The following CNTNAP2 variants were observed in gnomAD, a reference collection of about 807,000 sequenced individuals.
CNTNAP2 encodes the protein contactin-associated protein-like 2.
Under a neutral mutation model 155.2 loss-of-function variants are expected in CNTNAP2, and 98 were observed. The ratio of observed to expected loss-of-function variants is 0.63; its 90% CI spans 0.54 to 0.75. CNTNAP2 has a LOEUF of 0.75. Among genes scored for constraint, CNTNAP2 ranks in the 30% least tolerant of loss-of-function variants. The pLI is 0.00. For synonymous variants in CNTNAP2, 651 were observed against 631.2 expected (o/e 1.03, Z -0.47); for missense variants, 1,727 against 1,688.1 (o/e 1.02, Z -0.40).
chr7:146,730,039 C>T lies in CNTNAP2; in HGVS notation c.98-44232C>T, dbSNP rs372220380. Among the ~76,000 whole-genome samples, 9 of 152,204 alleles carry T rather than the reference C, an allele frequency of 5.9e-5. No individual in the cohort carries two copies. In the East Asian group the frequency reaches 7.7e-4, roughly 13 times the overall value. On this transcript the variant is annotated intron_variant, in intron 1 of 23. Transcript: ENST00000361727. The stretch of plus-strand genomic sequence containing the variant: ...TACACAATTAATTGTGAGCCAGCAA[C>T]GTCTTGCCATTATCTACTGTGTCTG...
At chr7:146,171,388 G>A (rs1269017819) in intron 1 of CNTNAP2, among the ~76,000 whole-genome samples, 1 of 152,036 alleles carries the variant, frequency 6.6e-6, no homozygotes, top group Admixed American at 6.6e-5. Flanking sequence ...AAAGAGGGAA[G>A]CACCAAAATG....
intron 3 of CNTNAP2, among the ~76,000 whole-genome samples, chr7:146,921,549 T>C (rs1318025557): frequency 2.0e-5 from 3 of 152,100 alleles, no homozygotes; most frequent in African/African-American, 7.2e-5. Context: ...CTCATAATCA[T>C]GGTGGAAGGC....
chr7:146,870,150 A>T (rs1204202918), intron 3 of CNTNAP2, among the ~76,000 whole-genome samples: 1 of 151,732 alleles, frequency 6.6e-6, no homozygotes. Flanking sequence ...GTTTCTGTGG[A>T]ATGGTACCGG....
At chr7:148,119,667 C>T (rs1804558370) in intron 16 of CNTNAP2, among the ~76,000 whole-genome samples, 1 of 152,186 alleles carries the variant, frequency 6.6e-6, no homozygotes, top group Admixed American at 6.5e-5. Flanking sequence ...CAGTAGCATT[C>T]TTAGGTTCAA....
chr7:146,688,973 TTTA>T (rs374886863), intron 1 of CNTNAP2, among the ~76,000 whole-genome samples: 4 of 152,324 alleles, frequency 2.6e-5, no homozygotes, highest in Non-Finnish European at 5.9e-5. Context: ...ATGTTCATCT[TTTA>T]TTATACAGCT....
intron 11 of CNTNAP2, among the ~76,000 whole-genome samples, chr7:147,491,181 T>TCC (rs1460743238): frequency 5.3e-5 from 8 of 152,162 alleles, no homozygotes; most frequent in African/African-American, 1.7e-4. Context: ...GCTTGCCAGG[T>TCC]CCTACGTAAT....
intron 13 of CNTNAP2, among the ~76,000 whole-genome samples, chr7:147,900,124 TG>T (rs1317916192): frequency 4.5e-4 from 68 of 152,310 alleles, no homozygotes; most frequent in African/African-American, 1.6e-3. Flanking sequence ...CTGGCCCCTC[TG>T]CTCTCTGGGA....
intron 16 of CNTNAP2, among the ~76,000 whole-genome samples, chr7:148,138,476 A>G (rs1350894114): frequency 1.3e-5 from 2 of 152,132 alleles, no homozygotes; most frequent in Non-Finnish European, 2.9e-5. Flanking sequence ...CCTCAAACCA[A>G]CTTAATAAAT....
At chr7:146,354,174 G>A (rs560574168) in intron 1 of CNTNAP2, among the ~76,000 whole-genome samples, 3 of 152,094 alleles carry the variant, frequency 2.0e-5, no homozygotes, top group South Asian at 2.1e-4. Flanking sequence ...TTCATTTTTC[G>A]CTACTTACCA....
rs139692742 is a variant in CNTNAP2, at chr7:147,500,876, A to T, written c.1777+14835A>T. 8.1e-4 allele frequency among the ~76,000 whole-genome samples: 123 copies of T among 152,188 alleles called. 3 individuals are homozygous for T. In the East Asian group the frequency reaches 0.022, roughly 27 times the overall value. On this transcript the variant is annotated intron_variant, in intron 11 of 23. Transcript: ENST00000361727. ...ATCAAAAAATATCTGACACTTCCAAACTCATTTTATGAGTCCAGCATTACC... is the reference window on the plus strand; with the variant it reads ...ATCAAAAAATATCTGACACTTCCAATCTCATTTTATGAGTCCAGCATTACC...
intron 1 of CNTNAP2, among the ~76,000 whole-genome samples, chr7:146,308,491 A>G (rs1457729618): frequency 6.6e-6 from 1 of 152,092 alleles, no homozygotes; most frequent in Non-Finnish European, 1.5e-5. Context: ...TATACCCAAA[A>G]GATTATAAAT....
chr7:148,109,275 T>G (rs534867058), intron 15 of CNTNAP2, among the ~76,000 whole-genome samples: 8 of 152,364 alleles, frequency 5.3e-5, no homozygotes, highest in Non-Finnish European at 1.2e-4. Context: ...GTTATTCTGT[T>G]CCTGGACCAA....
chr7:147,189,327 A>T (rs987422), intron 8 of CNTNAP2, among the ~76,000 whole-genome samples: 80,807 of 151,950 alleles, frequency 0.53, 22,073 homozygotes, highest in South Asian at 0.7. Context: ...TCTACAAGGC[A>T]AATAACATTA....
chr7:146,562,793 T>C (rs534648589), intron 1 of CNTNAP2, among the ~76,000 whole-genome samples: 4 of 152,286 alleles, frequency 2.6e-5, no homozygotes, highest in African/African-American at 9.6e-5. Flanking sequence ...TTTTTTTATT[T>C]AATCAAAAAG....
At chr7:146,653,292 C>T (rs1257508427) in intron 1 of CNTNAP2, among the ~76,000 whole-genome samples, 2 of 152,074 alleles carry the variant, frequency 1.3e-5, no homozygotes, top group East Asian at 3.9e-4. Flanking sequence ...AACTCTGCAC[C>T]TTTACTGATA....
intron 15 of CNTNAP2, among the ~76,000 whole-genome samples, chr7:148,090,449 C>T (rs1486267043): frequency 6.6e-6 from 1 of 151,916 alleles, no homozygotes; most frequent in Non-Finnish European, 1.5e-5. Context: ...GGACAAAGGA[C>T]CTGAGTAGAT....
intron 1 of CNTNAP2, among the ~76,000 whole-genome samples, chr7:146,173,200 TCA>T (rs1193347633): frequency 1.3e-5 from 2 of 152,230 alleles, no homozygotes; most frequent in African/African-American, 4.8e-5. Context: ...TTAATTTTGT[TCA>T]GTTACCTTAA....
chr7:146,157,797 C>T (rs1798151269), intron 1 of CNTNAP2, among the ~76,000 whole-genome samples: 1 of 152,196 alleles, frequency 6.6e-6, no homozygotes, highest in South Asian at 2.1e-4. Flanking sequence ...CTGTAGACTC[C>T]ACTTCTGGGG....
intron 13 of CNTNAP2, among the ~76,000 whole-genome samples, chr7:147,729,888 A>G (rs980438445): frequency 6.6e-5 from 10 of 152,100 alleles, no homozygotes; most frequent in African/African-American, 2.4e-4. Context: ...GAGGATATAG[A>G]GATTTTCCTT....
Sources: allele counts gnomAD v4.1 joint callset (sites outside exome capture counted in the v4.1 genomes callset), GRCh38; gene constraint gnomAD v4.1.1; transcripts MANE v1.5; gene names NCBI Gene and HGNC (gene_info 2026-07-23, HGNC 2026-07-21).